Variants in CCDC27 observed in about 807,000 individuals in gnomAD.
CCDC27 encodes coiled-coil domain-containing protein 27.
Under a neutral mutation model 80.3 loss-of-function variants are expected in CCDC27, and 80 were observed. The observed-to-expected ratio is 1.00, with a 90% CI of 0.83 to 1.20. CCDC27 has a LOEUF of 1.20. CCDC27 is among the 50% of genes most tolerant of loss of function. The pLI, the probability that CCDC27 is intolerant of heterozygous loss-of-function variation, is 0.00. For synonymous variants in CCDC27, 342 were observed against 334.3 expected (o/e 1.02, Z -0.25); for missense variants, 815 against 809.4 (o/e 1.01, Z -0.08).
intron 11 of CCDC27, among the ~76,000 whole-genome samples, chr1:3,770,363 G>A (rs1208786044): frequency 2.6e-5 from 4 of 152,290 alleles, no homozygotes; most frequent in East Asian, 3.9e-4. Context: ...CAAGGGCCTC[G>A]GAGAAGTAGA....
intron 1 of CCDC27, among the ~76,000 whole-genome samples, chr1:3,753,294 G>A (rs1642868094): frequency 6.6e-6 from 1 of 151,400 alleles, no homozygotes; most frequent in African/African-American, 2.4e-5. Flanking sequence ...TGGACCTAGT[G>A]GACTATGGTT....
rs1239041214 is a variant in CCDC27, at chr1:3,771,415, G to A, written c.1863G>A (p.Glu621=). 1.2e-6 allele frequency: 2 copies of A among 1,614,076 alleles called. No individual in the cohort carries two copies. Among genetic ancestry groups the A allele is most frequent in the South Asian group, 2.2e-5 (2 of 91,078 alleles). ...ILEALQRIIS[E]RSDYYNQLKQ... ...TTCTTGTGTAGAGAATTATCTCAGA[G>A]AGAAGCGACTACTATAATCAGCTGA... is the stretch of plus-strand genomic sequence containing the variant. Residue 621 remains glutamate (E), a synonymous_variant, in exon 12 of 12, where the codon GAG becomes GAA. Coordinates refer to ENST00000294600, the MANE Select transcript of CCDC27 (RefSeq NM_152492.3).
In CCDC27 at chr1:3,769,484, T is replaced by A. The variant is rs555939969; in HGVS notation, c.1744-299T>A. Among the ~76,000 whole-genome samples, 4 of 152,192 alleles carry A rather than the reference T, an allele frequency of 2.6e-5. No homozygotes were observed. The East Asian group carries it at 5.8e-4, about 22-fold the overall frequency. On this transcript the variant is annotated intron_variant, in intron 10 of 11. Transcript: ENST00000294600. The surrounding 1 kb of genome is among the most constrained non-coding windows in gnomAD (Gnocchi z 4.6). ...CTATTTTGGTTTGTTGGTTTAAAAA[T>A]ATATATATATGTGTGTGTAGGTTTT...
At chr1:3,756,454 G>T in intron 3 of CCDC27, 1 of 303,704 alleles carries the variant, frequency 3.3e-6, no homozygotes, top group Non-Finnish European at 6.2e-6. Flanking sequence ...CCCAGCTCCG[G>T]CTCGTTTGTC....
Position 3,761,206 on chromosome 1 carries a change from G to T in CCDC27, c.712-75G>T. On this transcript the variant is annotated intron_variant, in intron 4 of 11. Coordinates refer to ENST00000294600, the MANE Select transcript of CCDC27 (RefSeq NM_152492.3). The surrounding 1 kb of genome is among the most constrained non-coding windows in gnomAD (Gnocchi z 5.0). Reference sequence around the variant, plus strand: ...ACGACAGCAGATCTGCTCCTCCTGGGTGGGCTGGAGGCAGGTCAGGGGAAG... The same window carrying T: ...ACGACAGCAGATCTGCTCCTCCTGGTTGGGCTGGAGGCAGGTCAGGGGAAG... 3.9e-6 allele frequency: 6 copies of T among 1,548,806 alleles called. No homozygotes were observed. In the South Asian group the frequency reaches 6.1e-5, roughly 16 times the overall value.
chr1:3,757,119 C>T (rs1290638544), intron 4 of CCDC27: 2 of 439,028 alleles, frequency 4.6e-6, no homozygotes, highest in Non-Finnish European at 8.4e-6. Context: ...AACTCAGACT[C>T]ACCGGCACGC....
At chr1:3,765,135 A>G (rs1329769532) in intron 8 of CCDC27, among the ~76,000 whole-genome samples, 1 of 151,924 alleles carries the variant, frequency 6.6e-6, no homozygotes, top group African/African-American at 2.4e-5. Flanking sequence ...TGGGTTGGAT[A>G]TAGCATTCCT....
chr1:3,770,923 C>A (rs2124599493), intron 11 of CCDC27, among the ~76,000 whole-genome samples: 1 of 152,250 alleles, frequency 6.6e-6, no homozygotes, highest in Non-Finnish European at 1.5e-5. Flanking sequence ...CTGACATGAA[C>A]CAGCAACGGC....
At chr1:3,767,043 G>C (rs1261151255) in intron 9 of CCDC27, among the ~76,000 whole-genome samples, 190 bp from the exon 10 acceptor site, 2 of 152,086 alleles carry the variant, frequency 1.3e-5, no homozygotes, top group African/African-American at 4.8e-5. Flanking sequence ...GTTTCACCAT[G>C]TTGGTCAGGC....
rs1643160868 is a variant in CCDC27, at chr1:3,763,889, T to C, written c.1452+53T>C. 1 of 1,595,616 alleles carries C rather than the reference T, an allele frequency of 6.3e-7. No homozygotes were observed. Among genetic ancestry groups the C allele is most frequent in the Admixed American group, 1.7e-5 (1 of 58,324 alleles). Reference sequence around the variant, plus strand: ...GCTCCATGAGCATGGGCCCCAGGCTTCATTAACCCCCGGCAGCTCGGGGCA... The same window carrying C: ...GCTCCATGAGCATGGGCCCCAGGCTCCATTAACCCCCGGCAGCTCGGGGCA... On this transcript the variant is annotated intron_variant, in intron 8 of 11. Coordinates refer to ENST00000294600, the MANE Select transcript of CCDC27 (RefSeq NM_152492.3). The surrounding 1 kb of genome is among the most constrained non-coding windows in gnomAD (Gnocchi z 7.5).
chr1:3,763,792 G>C lies in CCDC27; in HGVS notation c.1408G>C (p.Glu470Gln), dbSNP rs749368006. ...INTENETLQK[E>Q]LRERRQQLQA... ...TACGGAAAATGAGACGCTGCAGAAG[G>C]AGCTCCGAGAGCGGAGGCAGCAGCT... The change falls in exon 8 of 12, where the codon GAG (glutamate) becomes CAG (glutamine). Residue 470 changes from glutamate (E) to glutamine (Q), a missense_variant. By Grantham distance (29) the Glu-to-Gln change is conservative. Transcript: ENST00000294600. This position sits in a 1 kb window ranked among gnomAD's most constrained non-coding sequence, Gnocchi z 7.5. 4 of 1,614,092 alleles carry C rather than the reference G, an allele frequency of 2.5e-6. No individual in the cohort carries two copies. Among genetic ancestry groups the C allele is most frequent in the Non-Finnish European group, 3.4e-6 (4 of 1,179,980 alleles).
At chr1:3,767,926 G>A (rs1433102195) in intron 10 of CCDC27, among the ~76,000 whole-genome samples, 1 of 152,184 alleles carries the variant, frequency 6.6e-6, no homozygotes, top group East Asian at 1.9e-4. Flanking sequence ...AGGAAAGGAT[G>A]AACAGTCCCC....
At position 3,755,465 on chromosome 1, in the gene CCDC27, A is replaced by T; in HGVS notation, c.451A>T (p.Thr151Ser). 1 of 1,614,110 alleles carries T rather than the reference A, an allele frequency of 6.2e-7. No individual in the cohort carries two copies. Among genetic ancestry groups the T allele is most frequent in the Admixed American group, 1.7e-5 (1 of 60,034 alleles). The change falls in exon 3 of 12, where the codon ACT becomes TCT. Residue 151 changes from threonine to serine, a missense_variant. Thr to Ser is a moderately conservative substitution (Grantham distance 58). Transcript: ENST00000294600. Reference protein sequence around the residue: ...ATSMSHCGSPTEADLSGEIDN... With the variant: ...ATSMSHCGSPSEADLSGEIDN... ...TCTTTAACACTCTACAGGTTCACCC[A>T]CTGAGGCCGATTTGTCCGGAGAGAT... is the stretch of plus-strand genomic sequence containing the variant.
At chr1:3,770,344 G>T (rs959122476) in intron 11 of CCDC27, among the ~76,000 whole-genome samples, 4 of 152,180 alleles carry the variant, frequency 2.6e-5, no homozygotes, top group African/African-American at 9.7e-5. Context: ...CTGACCAGGG[G>T]TCCCCAAGCA....
chr1:3,763,059 T>C lies in CCDC27; in HGVS notation c.955-49T>C. ...CCATGAGCATTAGAGCCCTCTGCCC[T>C]GGGGGTGCCCCGCAGCCCTGCCCAG... is the stretch of plus-strand genomic sequence containing the variant. On this transcript the variant is annotated intron_variant, in intron 6 of 11. Transcript: ENST00000294600. This position sits in a 1 kb window ranked among gnomAD's most constrained non-coding sequence, Gnocchi z 7.5. 6.9e-7 allele frequency: 1 copy of C among 1,450,046 alleles called. No homozygotes were observed. The highest frequency in any genetic ancestry group is 1.5e-5 in the South Asian group (1 of 67,428). The allele number at this position is 1,450,046 out of a possible 1,614,324, so 89.8% of individuals were successfully genotyped here. A position where few individuals can be genotyped will look rare whatever the true frequency, so the allele number is the denominator to read the frequency against.
Position 3,763,873 on chromosome 1 carries a change from G to T in CCDC27, c.1452+37G>T. ...CTCAGTACCGGCCTCCGCTCCATGA[G>T]CATGGGCCCCAGGCTTCATTAACCC... is the stretch of plus-strand genomic sequence containing the variant. On this transcript the variant is annotated intron_variant, in intron 8 of 11. Coordinates refer to ENST00000294600, the MANE Select transcript of CCDC27 (RefSeq NM_152492.3). This position sits in a 1 kb window ranked among gnomAD's most constrained non-coding sequence, Gnocchi z 7.5. The T allele has an allele frequency of 2.5e-6, 4 of 1,606,394 alleles. No homozygotes were observed. Among genetic ancestry groups the T allele is most frequent in the Non-Finnish European group, 3.4e-6 (4 of 1,174,900 alleles).
chr1:3,758,612 T>G (rs573375436), intron 4 of CCDC27, among the ~76,000 whole-genome samples: 1 of 152,344 alleles, frequency 6.6e-6, no homozygotes, highest in East Asian at 1.9e-4. Context: ...TAATTTATTA[T>G]GAGACAAGGT....
At chr1:3,754,711 G>C (rs925152491) in intron 2 of CCDC27, among the ~76,000 whole-genome samples, 3 of 152,114 alleles carry the variant, frequency 2.0e-5, no homozygotes, top group Non-Finnish European at 4.4e-5. Context: ...GGCATCTGGG[G>C]GATGCTGCCC....
intron 11 of CCDC27, among the ~76,000 whole-genome samples, 167 bp from the exon 12 acceptor site, chr1:3,771,234 G>C (rs1270527854): frequency 1.3e-5 from 2 of 152,150 alleles, no homozygotes; most frequent in African/African-American, 4.8e-5. Flanking sequence ...TCTCCCCCTG[G>C]AGAGCCGGTT....
Sources: gnomAD v4.1 joint callset for allele counts (sites outside exome capture counted in the v4.1 genomes callset) on GRCh38, gnomAD v4.1.1 for gene constraint, Gnocchi (gnomAD v3.1) non-coding constraint, MANE v1.5 for transcripts, NCBI Gene and HGNC (gene_info 2026-07-23, HGNC 2026-07-21) for gene names.